Variants in GPC6 observed in about 807,000 individuals in gnomAD.
GPC6 encodes the protein glypican 6.
Under a neutral mutation model 55.2 loss-of-function variants are expected in GPC6, and 14 were observed. That is an observed-to-expected ratio of 0.25 (90% CI 0.17 to 0.40). The LOEUF is 0.40. GPC6 is among the 10% of genes least tolerant of loss of function. The pLI, the probability that GPC6 is intolerant of heterozygous loss-of-function variation, is 1.00. For synonymous variants in GPC6, 278 were observed against 259.6 expected (o/e 1.07, Z -0.68); for missense variants, 641 against 708.5 (o/e 0.90, Z 1.08).
chr13:93,444,464 G>C (rs969295441), intron 1 of GPC6, among the ~76,000 whole-genome samples: 1 of 152,026 alleles, frequency 6.6e-6, no homozygotes, highest in Non-Finnish European at 1.5e-5. Context: ...AAAATTAGCC[G>C]GGTGTGGTGG....
intron 2 of GPC6, among the ~76,000 whole-genome samples, chr13:93,673,217 T>C (rs1881441214): frequency 6.6e-6 from 1 of 152,120 alleles, no homozygotes; most frequent in Non-Finnish European, 1.5e-5. Flanking sequence ...GAGGCAGACC[T>C]CAGGGTCCTG....
intron 2 of GPC6, among the ~76,000 whole-genome samples, chr13:93,586,921 C>T (rs1382265609): frequency 6.6e-6 from 1 of 152,044 alleles, no homozygotes; most frequent in Non-Finnish European, 1.5e-5. Context: ...TGAAATGTTT[C>T]AGGGTTTGGA....
intron 1 of GPC6, among the ~76,000 whole-genome samples, chr13:93,270,499 TTTTATTTCTGTATACCTGGAACA>T (rs1430691667): frequency 6.6e-6 from 1 of 152,016 alleles, no homozygotes; most frequent in Admixed American, 6.6e-5. Flanking sequence ...TTAAACATTG[TTTTATTTCTGTATACCTGGAACA>T]TGTTTTCTCC....
At chr13:93,989,866 CA>C (rs1431878427) in intron 3 of GPC6, among the ~76,000 whole-genome samples, 1 of 150,422 alleles carries the variant, frequency 6.6e-6, no homozygotes, top group African/African-American at 2.4e-5. Flanking sequence ...CAGTTTTCCA[CA>C]GAACTAAACT....
intron 1 of GPC6, among the ~76,000 whole-genome samples, chr13:93,370,070 G>A (rs1420662682): frequency 4.6e-5 from 7 of 152,146 alleles, no homozygotes; most frequent in Non-Finnish European, 8.8e-5. Flanking sequence ...CCTGCCCAGA[G>A]TTTATGGGTA....
chr13:94,309,886 A>G (rs1876149633), intron 6 of GPC6, among the ~76,000 whole-genome samples: 1 of 152,216 alleles, frequency 6.6e-6, no homozygotes, highest in South Asian at 2.1e-4. Context: ...ATGACTTTCA[A>G]TCAAACAGGC....
intron 4 of GPC6, among the ~76,000 whole-genome samples, chr13:94,266,313 C>T (rs1011020427): frequency 3.3e-5 from 5 of 152,156 alleles, no homozygotes; most frequent in Admixed American, 1.3e-4. Flanking sequence ...GGACTACAGG[C>T]GCCCGCCACC....
intron 4 of GPC6, among the ~76,000 whole-genome samples, chr13:94,162,987 A>G (rs1398817437): frequency 6.6e-6 from 1 of 152,190 alleles, no homozygotes; most frequent in Admixed American, 6.5e-5. Context: ...CTCTCAGGAT[A>G]GAAATAGCTC....
At chr13:93,760,837 C>T (rs897803318) in intron 2 of GPC6, among the ~76,000 whole-genome samples, 5 of 152,134 alleles carry the variant, frequency 3.3e-5, no homozygotes. Flanking sequence ...TGCAACTGCT[C>T]AGCATCTTTT....
intron 1 of GPC6, among the ~76,000 whole-genome samples, chr13:93,353,480 G>A (rs7983071): frequency 0.33 from 49,636 of 152,082 alleles, 9,388 homozygotes; most frequent in East Asian, 0.79. Context: ...AACTTCTCGT[G>A]AAATTATCAG....
At chr13:94,178,081 C>T (rs190089005) in intron 4 of GPC6, among the ~76,000 whole-genome samples, 96 of 142,744 alleles carry the variant, frequency 6.7e-4, no homozygotes, top group African/African-American at 2.2e-3. Context: ...TGCAGTGGTG[C>T]GATCTCAACT....
intron 6 of GPC6, among the ~76,000 whole-genome samples, chr13:94,306,800 CAAAGA>C (rs1875969779): frequency 1.3e-5 from 2 of 152,140 alleles, no homozygotes; most frequent in Non-Finnish European, 2.9e-5. Flanking sequence ...CTCATAATTT[CAAAGA>C]AATACTGCCT....
chr13:94,336,020 G>A (rs1180475030), intron 6 of GPC6, among the ~76,000 whole-genome samples: 5 of 151,850 alleles, frequency 3.3e-5, no homozygotes. Flanking sequence ...GTATTAGTTA[G>A]ACATTTTCTT....
In GPC6 at chr13:94,288,877, AT is replaced by A. The variant is rs1354766634; in HGVS notation, c.1008+2399del. Among the ~76,000 whole-genome samples, 117 of 33,114 alleles carry A rather than the reference AT, an allele frequency of 3.5e-3. 2 individuals are homozygous for A. The highest frequency in any genetic ancestry group is 6.5e-3 in the Non-Finnish European group (95 of 14,594). 21.7% of individuals were successfully genotyped at this position (33,114 alleles called of 152,430 possible). A position where few individuals can be genotyped will look rare whatever the true frequency, so the allele number is the denominator to read the frequency against. On this transcript the variant is annotated intron_variant, in intron 5 of 8. Coordinates refer to ENST00000377047, the MANE Select transcript of GPC6 (RefSeq NM_005708.5). ...TAATAAATATATATATTTGTTATAT[AT>A]ATAACTAATATATATAACAAATATA...
chr13:93,292,151 T>G (rs1878339128), intron 1 of GPC6, among the ~76,000 whole-genome samples: 1 of 152,188 alleles, frequency 6.6e-6, no homozygotes, highest in Non-Finnish European at 1.5e-5. Flanking sequence ...TGCCAGTGGT[T>G]AACTAATAGC....
chr13:93,678,438 G>A (rs1354132645), intron 2 of GPC6, among the ~76,000 whole-genome samples: 2 of 152,138 alleles, frequency 1.3e-5, no homozygotes, highest in Admixed American at 1.3e-4. Context: ...TTTAGTAGTT[G>A]TAACACCTGC....
chr13:93,644,816 G>A (rs1439330537), intron 2 of GPC6, among the ~76,000 whole-genome samples: 1 of 151,024 alleles, frequency 6.6e-6, no homozygotes, highest in Non-Finnish European at 1.5e-5. Flanking sequence ...ATAAATGGTG[G>A]CCCATAAACT....
chr13:94,152,780 A>G (rs937518335), intron 4 of GPC6, among the ~76,000 whole-genome samples: 4 of 152,092 alleles, frequency 2.6e-5, no homozygotes, highest in Non-Finnish European at 5.9e-5. Flanking sequence ...CCTTAGGGGA[A>G]TTTATGCTCC....
chr13:93,626,299 G>A (rs1290769412), intron 2 of GPC6, among the ~76,000 whole-genome samples: 1 of 152,170 alleles, frequency 6.6e-6, no homozygotes, highest in Non-Finnish European at 1.5e-5. Flanking sequence ...ACAGCAGAAC[G>A]TTAAACCAAG....
Sources: allele counts gnomAD v4.1 joint callset (sites outside exome capture counted in the v4.1 genomes callset), GRCh38; gene constraint gnomAD v4.1.1; transcripts MANE v1.5; gene names NCBI Gene and HGNC (gene_info 2026-07-23, HGNC 2026-07-21).